ADAMTSL3: variants seen among roughly 807,000 people sequenced by gnomAD.
The protein encoded by ADAMTSL3 is ADAMTS like 3, also known as ADAMTS-like protein 3.
In ADAMTSL3, 128 loss-of-function variants were observed where a neutral mutation model predicts 201.7. That is an observed-to-expected ratio of 0.63 (90% CI 0.55 to 0.73). The LOEUF is 0.73. ADAMTSL3 is among the 30% of genes least tolerant of loss of function. The pLI is 0.00. For synonymous variants in ADAMTSL3, 738 were observed against 748.4 expected, an observed-to-expected ratio of 0.99 and a Z score of 0.23; for missense variants, 1,990 against 2,119.6, an observed-to-expected ratio of 0.94 and a Z score of 1.20.
intron 3 of ADAMTSL3, among the ~76,000 whole-genome samples, chr15:83,712,667 G>A (rs913617547): frequency 1.3e-5 from 2 of 152,214 alleles, no homozygotes; most frequent in Admixed American, 1.3e-4. Flanking sequence ...TGAGCCTCCT[G>A]TCCCTGGGGT....
chr15:83,726,659 G>A (rs953594388), intron 3 of ADAMTSL3, among the ~76,000 whole-genome samples: 2 of 151,888 alleles, frequency 1.3e-5, no homozygotes. Flanking sequence ...ATCATCATAT[G>A]GTTTTTGTCC....
intron 19 of ADAMTSL3, among the ~76,000 whole-genome samples, chr15:83,955,331 C>T (rs2066839108): frequency 6.6e-6 from 1 of 152,180 alleles, no homozygotes; most frequent in Non-Finnish European, 1.5e-5. Context: ...TGCCAGGCTA[C>T]CATTGCTGAT....
At chr15:83,992,842 C>T (rs1272698073) in intron 23 of ADAMTSL3, among the ~76,000 whole-genome samples, 5 of 152,218 alleles carry the variant, frequency 3.3e-5, no homozygotes, top group Non-Finnish European at 7.3e-5. Flanking sequence ...GCCCCACAGC[C>T]CTCCTGCCCT....
intron 7 of ADAMTSL3, among the ~76,000 whole-genome samples, chr15:83,848,436 A>G (rs2064546105): frequency 6.6e-6 from 1 of 152,238 alleles, no homozygotes; most frequent in African/African-American, 2.4e-5. Context: ...CAAAGCTGTG[A>G]TATCCAGCAG....
At chr15:83,869,092 A>G (rs1219055075) in intron 8 of ADAMTSL3, among the ~76,000 whole-genome samples, 1 of 152,212 alleles carries the variant, frequency 6.6e-6, no homozygotes, top group Admixed American at 6.5e-5. Context: ...CTTGAATTTA[A>G]TCAAGTCATT....
At chr15:83,856,704 T>C (rs960885361) in intron 7 of ADAMTSL3, among the ~76,000 whole-genome samples, 2 of 152,216 alleles carry the variant, frequency 1.3e-5, no homozygotes, top group Admixed American at 6.5e-5. Context: ...CCTTATCCAT[T>C]CATCCATAGA....
chr15:83,962,820 C>A (rs2066998420), intron 19 of ADAMTSL3, among the ~76,000 whole-genome samples: 1 of 152,160 alleles, frequency 6.6e-6, no homozygotes, highest in Admixed American at 6.5e-5. Flanking sequence ...GAGGTACTGG[C>A]TCATCTCATT....
chr15:83,912,556 C>T (rs180758174), intron 15 of ADAMTSL3, among the ~76,000 whole-genome samples: 161 of 152,222 alleles, frequency 1.1e-3, no homozygotes, highest in African/African-American at 3.4e-3. Flanking sequence ...GAAGAAGATC[C>T]AGAAGCTTCG....
chr15:83,680,046 T>C (rs2061456269), intron 2 of ADAMTSL3, among the ~76,000 whole-genome samples: 1 of 151,938 alleles, frequency 6.6e-6, no homozygotes, highest in Non-Finnish European at 1.5e-5. Context: ...AGGGCAGGAG[T>C]TGGGGAAGGC....
In ADAMTSL3 at chr15:83,891,335, A is replaced by T. The variant is rs1343589618; in HGVS notation, c.1218A>T (p.Gly406=). Reference sequence around the variant, plus strand: ...ACAATGATTTCATTTGTAGTGATGGATTTAAAGAGATAATGCCCTATGACC... The same window carrying T: ...ACAATGATTTCATTTGTAGTGATGGTTTTAAAGAGATAATGCCCTATGACC... ...CSMDPCPSSD[G]FKEIMPYDHF... is the part of the protein sequence containing the mutation. Residue 406 remains glycine, a synonymous_variant, in exon 12 of 30, where the codon GGA becomes GGT. Transcript: ENST00000286744. The T allele has an allele frequency of 1.4e-5, 23 of 1,609,416 alleles. No individual in the cohort carries two copies. The highest frequency in any genetic ancestry group is 1.9e-5 in the Non-Finnish European group (22 of 1,175,906).
rs1567169495 is a variant in ADAMTSL3, at chr15:83,823,922, CTTCTTCTTCT to C, written c.600+3877_600+3886del. Among the ~76,000 whole-genome samples the C allele has an allele frequency of 4.3e-4, 50 of 116,574 alleles. 1 individual carries two copies. Among genetic ancestry groups the C allele is most frequent in the Admixed American group, 1.9e-3 (21 of 10,782 alleles). The allele number at this position is 116,574 out of a possible 152,430, so 76.5% of individuals were successfully genotyped here. A position where few individuals can be genotyped will look rare whatever the true frequency, so the allele number is the denominator to read the frequency against. On this transcript the variant is annotated intron_variant, in intron 6 of 29. Transcript: ENST00000286744. ...TCTTCTTCTTCTTCTTCTTCTTCTT[CTTCTTCTTCT>C]TCTTCTTCTTCTTCTTCTTCTTCTT... is the stretch of plus-strand genomic sequence containing the variant.
chr15:83,825,007 T>G (rs2063991560), intron 6 of ADAMTSL3: 1 of 152,192 alleles, frequency 6.6e-6, no homozygotes, highest in East Asian at 1.9e-4. Context: ...AATAGCTCAT[T>G]TCCTTTTCAC....
rs538494475 is a variant in ADAMTSL3 at position 83,841,622 on chromosome 15, C to T, written c.727+3407C>T. ...AGCTGCATTTTTGTTAAAAATATTA[C>T]CCATTGGGATACTAAAGGATGTCAC... is the stretch of plus-strand genomic sequence containing the variant. On this transcript the variant is annotated intron_variant, in intron 7 of 29. Coordinates refer to ENST00000286744, the MANE Select transcript of ADAMTSL3 (RefSeq NM_207517.3). Among the ~76,000 whole-genome samples, 311 of 152,068 alleles carry T rather than the reference C, an allele frequency of 2.0e-3. 1 individual carries two copies. The highest frequency in any genetic ancestry group is 0.012 in the South Asian group (58 of 4,812).
chr15:84,020,439 C>G (rs2068179726), intron 25 of ADAMTSL3, among the ~76,000 whole-genome samples: 1 of 152,202 alleles, frequency 6.6e-6, no homozygotes, highest in Admixed American at 6.5e-5. Context: ...GTAAACGTAT[C>G]TACTTTTAAA....
chr15:83,716,351 A>G (rs1447818814), intron 3 of ADAMTSL3, among the ~76,000 whole-genome samples: 2 of 151,858 alleles, frequency 1.3e-5, no homozygotes, highest in Admixed American at 1.3e-4. Context: ...AAAAACACAC[A>G]CACACACACA....
At chr15:83,870,424 T>C (rs763865209) in intron 8 of ADAMTSL3, among the ~76,000 whole-genome samples, 2 of 152,250 alleles carry the variant, frequency 1.3e-5, no homozygotes, top group Non-Finnish European at 2.9e-5. Flanking sequence ...AAATTTGCTG[T>C]GATTTTTGTC....
At chr15:83,680,875 G>T (rs1286761298) in intron 2 of ADAMTSL3, among the ~76,000 whole-genome samples, 1 of 151,874 alleles carries the variant, frequency 6.6e-6, no homozygotes, top group African/African-American at 2.4e-5. Flanking sequence ...CAAAGGTCAT[G>T]TTTTCTTTAA....
intron 6 of ADAMTSL3, chr15:83,824,777 T>C (rs1328794809): frequency 6.6e-6 from 1 of 152,136 alleles, no homozygotes; most frequent in Non-Finnish European, 1.5e-5. Flanking sequence ...TAATAATATA[T>C]TATACATTTA....
At chr15:83,899,804 A>G (rs2065688767) in intron 15 of ADAMTSL3, 73 bp downstream of exon 15, 3 of 1,532,110 alleles carry the variant, frequency 2.0e-6, no homozygotes, top group Admixed American at 1.9e-5. Context: ...TTTTGTACTC[A>G]TTGGAGTACA....
Sources: gnomAD v4.1 joint callset for allele counts (sites outside exome capture counted in the v4.1 genomes callset) on GRCh38, gnomAD v4.1.1 for gene constraint, MANE v1.5 for transcripts, NCBI Gene and HGNC (gene_info 2026-07-23, HGNC 2026-07-21) for gene names.